Variants in LNX2 observed in about 807,000 individuals in gnomAD.
The protein encoded by LNX2 is ligand of numb-protein X 2, also known as ligand of Numb protein X 2.
Under a neutral mutation model 66.2 loss-of-function variants are expected in LNX2, and 35 were observed. The observed-to-expected ratio is 0.53, with a 90% CI of 0.40 to 0.70. LNX2 has a LOEUF of 0.70. Among genes scored for constraint, LNX2 ranks in the 30% least tolerant of loss-of-function variants. LNX2 has a pLI of 0.00. For missense variants in LNX2, 791 were observed against 850.8 expected, an observed-to-expected ratio of 0.93 and a Z score of 0.87; for synonymous variants, 337 against 315.6, an observed-to-expected ratio of 1.07 and a Z score of -0.72.
intron 1 of LNX2, among the ~76,000 whole-genome samples, chr13:27,604,855 A>ATTT (rs34254877): frequency 0.026 from 3,574 of 138,342 alleles, 55 homozygotes; most frequent in East Asian, 0.05. Flanking sequence ...TTTCTATTTA[A>ATTT]TTTTTTTTTT....
chr13:27,604,749 T>G (rs1021212621), intron 1 of LNX2, among the ~76,000 whole-genome samples: 3 of 151,950 alleles, frequency 2.0e-5, no homozygotes, highest in Non-Finnish European at 4.4e-5. Flanking sequence ...CTCAAAGGGT[T>G]GAAACAAAGA....
chr13:27,589,816 G>A (rs1214151900), intron 1 of LNX2, among the ~76,000 whole-genome samples: 1 of 152,192 alleles, frequency 6.6e-6, no homozygotes, highest in Non-Finnish European at 1.5e-5. Context: ...AACCTTTCCA[G>A]TAACATCTAG....
intron 9 of LNX2, 132 bp downstream of exon 9, chr13:27,550,201 T>C (rs1481006201): frequency 4.3e-6 from 3 of 701,072 alleles, no homozygotes; most frequent in African/African-American, 3.6e-5. Flanking sequence ...CCAGTAAGTG[T>C]AGCTGCACTG....
chr13:27,577,357 T>G (rs1262335324), intron 2 of LNX2, among the ~76,000 whole-genome samples: 1 of 152,182 alleles, frequency 6.6e-6, no homozygotes, highest in Non-Finnish European at 1.5e-5. Flanking sequence ...TCCCTCCAAG[T>G]TAAAGTGTGA....
intron 1 of LNX2, among the ~76,000 whole-genome samples, chr13:27,596,007 T>G (rs1352743948): frequency 1.3e-5 from 2 of 152,182 alleles, no homozygotes; most frequent in African/African-American, 2.4e-5. Context: ...GTGGCTTCAG[T>G]GCAGGGTATT....
At chr13:27,592,712 C>T (rs781053916) in intron 1 of LNX2, among the ~76,000 whole-genome samples, 8 of 151,996 alleles carry the variant, frequency 5.3e-5, no homozygotes, top group Admixed American at 2.6e-4. Context: ...TTCTGGGGGA[C>T]GAAGAGGACC....
chr13:27,597,111 C>G (rs1419421905), intron 1 of LNX2, among the ~76,000 whole-genome samples: 1 of 152,150 alleles, frequency 6.6e-6, no homozygotes, highest in African/African-American at 2.4e-5. Context: ...ATCAAAACCT[C>G]TAAGGCCTAT....
At chr13:27,555,227 G>A (rs1283867584) in intron 7 of LNX2, among the ~76,000 whole-genome samples, 1 of 152,178 alleles carries the variant, frequency 6.6e-6, no homozygotes, top group African/African-American at 2.4e-5. Flanking sequence ...GAGATTACAG[G>A]CGTGAGCCAC....
chr13:27,602,346 G>A (rs936060969), intron 1 of LNX2, among the ~76,000 whole-genome samples: 12 of 151,988 alleles, frequency 7.9e-5, no homozygotes, highest in African/African-American at 2.9e-4. Context: ...ATTACTCCGG[G>A]TTTTTTTATG....
chr13:27,548,431 G>A lies in LNX2; in HGVS notation c.1977C>T (p.Thr659=), dbSNP rs369839358. The change falls in exon 10 of 10, where the codon ACC becomes ACT. Residue 659 remains threonine (T), a synonymous_variant. Coordinates refer to ENST00000316334, the MANE Select transcript of LNX2 (RefSeq NM_153371.4). ...DMIVAVNGLS[T]VGMSHSALVP... ...CTAGTGCAGAGTGGCTCATGCCCAC[G>A]GTTGACAGCCCATTTACGGCCACAA... is the stretch of plus-strand genomic sequence containing the variant. The A allele has an allele frequency of 1.4e-5, 23 of 1,613,894 alleles. No individual in the cohort carries two copies. The African/African-American group carries it at 1.6e-4, about 11-fold the overall frequency.
At chr13:27,576,882 T>C (rs1955345712) in intron 2 of LNX2, among the ~76,000 whole-genome samples, 1 of 152,180 alleles carries the variant, frequency 6.6e-6, no homozygotes, top group South Asian at 2.1e-4. Context: ...ATGTAAATTT[T>C]TGTGACCTTG....
chr13:27,571,578 G>A (rs993723774), intron 2 of LNX2, among the ~76,000 whole-genome samples: 5 of 152,102 alleles, frequency 3.3e-5, no homozygotes, highest in African/African-American at 1.2e-4. Context: ...TGATGGTCAC[G>A]TAATTCTGTG....
chr13:27,577,230 A>G (rs1035024217), intron 2 of LNX2, among the ~76,000 whole-genome samples: 2 of 152,194 alleles, frequency 1.3e-5, no homozygotes, highest in African/African-American at 4.8e-5. Flanking sequence ...TTTCATTTCT[A>G]AGAGTTCTTT....
chr13:27,554,949 C>T (rs1955040581), intron 7 of LNX2, among the ~76,000 whole-genome samples: 2 of 152,100 alleles, frequency 1.3e-5, no homozygotes, highest in South Asian at 4.1e-4. Context: ...TAGTATCTTA[C>T]TGTGGTTTTG....
Position 27,559,939 on chromosome 13 carries a change from G to A in LNX2, c.1271C>T (p.Pro424Leu), listed in dbSNP as rs747254709. 3.1e-6 allele frequency: 5 copies of A among 1,610,436 alleles called. No homozygotes were observed. The highest frequency in any genetic ancestry group is 3.3e-5 in the Admixed American group (2 of 59,812). ...VNLTIARPGK[P>L]QPGNTIREAG... ...TTCTCTAATGGTGTTACCAGGCTGGGGTTTCCCTGGTCTAGCAATTGTTAA... is the reference window on the plus strand; with the variant it reads ...TTCTCTAATGGTGTTACCAGGCTGGAGTTTCCCTGGTCTAGCAATTGTTAA... The change falls in exon 6 of 10, where the codon CCC (proline) becomes CTC (leucine). Residue 424 changes from proline (P) to leucine (L), a missense_variant. Pro to Leu is a moderately conservative substitution (Grantham distance 98). Coordinates refer to ENST00000316334, the MANE Select transcript of LNX2 (RefSeq NM_153371.4).
rs947381520 is a variant in LNX2 at position 27,610,722 on chromosome 13, G to A, written c.-101+9653C>T. Among the ~76,000 whole-genome samples, 9 of 152,038 alleles carry A rather than the reference G, an allele frequency of 5.9e-5. No individual in the cohort carries two copies. The East Asian group carries it at 7.7e-4, about 13-fold the overall frequency. ...GAAAAGGAGAAAATATTTGCAAATC[G>A]TATCTGATAAGAGGTTAATATCCAG... On this transcript the variant is annotated intron_variant, in intron 1 of 9. Coordinates refer to ENST00000316334, the MANE Select transcript of LNX2 (RefSeq NM_153371.4).
chr13:27,612,873 G>A (rs544647878), intron 1 of LNX2, among the ~76,000 whole-genome samples: 2 of 152,232 alleles, frequency 1.3e-5, no homozygotes, highest in African/African-American at 4.8e-5. Context: ...ATGCCTGGTC[G>A]AATTATTTTT....
chr13:27,562,811 G>C (rs1955153638), intron 4 of LNX2, 30 bp from the exon 5 acceptor site: 1 of 1,577,688 alleles, frequency 6.3e-7, no homozygotes, highest in Non-Finnish European at 8.6e-7. Flanking sequence ...ACCGAAGTGT[G>C]ACAACCTTTT....
intron 2 of LNX2, among the ~76,000 whole-genome samples, chr13:27,574,632 T>C (rs941319437): frequency 6.6e-6 from 1 of 150,484 alleles, no homozygotes; most frequent in Admixed American, 6.6e-5. Context: ...GTGAAAGGAG[T>C]AGAAAGAATA....
Sources: gnomAD v4.1 joint callset for allele counts (sites outside exome capture counted in the v4.1 genomes callset) on GRCh38, gnomAD v4.1.1 for gene constraint, MANE v1.5 for transcripts, NCBI Gene and HGNC (gene_info 2026-07-23, HGNC 2026-07-21) for gene names.